The following SLC30A9 variants were observed in gnomAD, a reference collection of about 807,000 sequenced individuals.
SLC30A9 encodes proton-coupled zinc antiporter SLC30A9, mitochondrial.
A neutral mutation model predicts 87.5 loss-of-function variants in SLC30A9; 58 were observed. That is an observed-to-expected ratio of 0.66 (90% confidence interval 0.54 to 0.82). The LOEUF is 0.82. SLC30A9 is among the 40% of genes least tolerant of loss of function. The pLI, the probability that SLC30A9 is intolerant of heterozygous loss-of-function variation, is 0.00. For missense variants in SLC30A9, 557 were observed against 679.1 expected, an observed-to-expected ratio of 0.82 and a Z score of 2.00; for synonymous variants, 234 against 233.0, an observed-to-expected ratio of 1.00 and a Z score of -0.04.
chr4:42,081,198 C>T (rs376420362), intron 17 of SLC30A9, among the ~76,000 whole-genome samples: 6 of 152,170 alleles, frequency 3.9e-5, no homozygotes, highest in East Asian at 3.8e-4. Context: ...AGTACTTTTA[C>T]GTACTTTCCA....
At chr4:42,045,584 TAAAA>T (rs34964085) in intron 8 of SLC30A9, among the ~76,000 whole-genome samples, 20 of 134,766 alleles carry the variant, frequency 1.5e-4, no homozygotes, top group Admixed American at 2.1e-4. Context: ...GCCTATCAAC[TAAAA>T]AAAAAAAAAA....
chr4:42,080,824 T>C (rs571546540), intron 17 of SLC30A9, among the ~76,000 whole-genome samples: 1 of 152,372 alleles, frequency 6.6e-6, no homozygotes, highest in South Asian at 2.1e-4. Context: ...TCTATTTTTA[T>C]ACTCTGAATG....
At chr4:42,014,109 C>CA (rs1161014944) in intron 2 of SLC30A9, among the ~76,000 whole-genome samples, 2 of 151,498 alleles carry the variant, frequency 1.3e-5, no homozygotes, top group Admixed American at 6.6e-5. Flanking sequence ...ATGCAAGTGG[C>CA]AAAAAAAGGT....
chr4:42,064,893 G>A (rs1385079236), intron 11 of SLC30A9, among the ~76,000 whole-genome samples: 1 of 151,928 alleles, frequency 6.6e-6, no homozygotes, highest in African/African-American at 2.4e-5. Context: ...TGTGTTGCTA[G>A]GTTAACTTTT....
rs912108653 is a variant in SLC30A9, at chr4:42,066,489, C to T, written c.1073-61C>T. The T allele has an allele frequency of 2.9e-6, 3 of 1,026,554 alleles. No individual in the cohort carries two copies. In the African/African-American group the frequency reaches 4.8e-5, roughly 16 times the overall value. The allele number at this position is 1,026,554 out of a possible 1,614,324, so 63.6% of individuals were successfully genotyped here. On this transcript the variant is annotated intron_variant, in intron 12 of 17. Transcript: ENST00000264451. ...CTTATTTGTTTATCTTTTGAGATGC[C>T]ATCTTTAAAGTTTGGAGGCATGAAG...
intron 10 of SLC30A9, among the ~76,000 whole-genome samples, chr4:42,061,532 C>G (rs1317110380): frequency 6.6e-6 from 1 of 152,174 alleles, no homozygotes; most frequent in Non-Finnish European, 1.5e-5. Flanking sequence ...ATTGTCACAT[C>G]TATAAACTGG....
At chr4:42,019,773 A>C (rs566207513) in intron 3 of SLC30A9, among the ~76,000 whole-genome samples, 6 of 151,878 alleles carry the variant, frequency 4.0e-5, no homozygotes, top group African/African-American at 1.4e-4. Context: ...GCACTCAACT[A>C]CTCTGTTATT....
In SLC30A9 at chr4:42,065,356, A is replaced by G; in HGVS notation, c.1072+7A>G. On this transcript the variant is annotated splice_region_variant and intron_variant, in intron 12 of 17. Coordinates refer to ENST00000264451, the MANE Select transcript of SLC30A9 (RefSeq NM_006345.4). ...TCATTAGTATCTGAAGGAGGTATGT[A>G]CTGTCACAAAGTATGTCTCTATTCT... The G allele has an allele frequency of 7.6e-7, 1 of 1,310,518 alleles. No individual in the cohort carries two copies. Among genetic ancestry groups the G allele is most frequent in the South Asian group, 1.2e-5 (1 of 84,786 alleles). The allele number at this position is 1,310,518 out of a possible 1,614,324, so 81.2% of individuals were successfully genotyped here. A position where few individuals can be genotyped will look rare whatever the true frequency, so the allele number is the denominator to read the frequency against.
intron 9 of SLC30A9, among the ~76,000 whole-genome samples, chr4:42,053,976 G>A (rs1438343843): frequency 6.6e-6 from 1 of 152,142 alleles, no homozygotes; most frequent in Admixed American, 6.5e-5. Flanking sequence ...AGAGGCACAG[G>A]GAGCTTTTTG....
chr4:42,013,500 A>G (rs1577684356), intron 2 of SLC30A9, among the ~76,000 whole-genome samples: 1 of 152,194 alleles, frequency 6.6e-6, no homozygotes, highest in Non-Finnish European at 1.5e-5. Context: ...GGTTTAGGTT[A>G]CTAAACCTAA....
At chr4:42,082,036 C>T (rs1408391922) in intron 17 of SLC30A9, among the ~76,000 whole-genome samples, 7 of 151,718 alleles carry the variant, frequency 4.6e-5, no homozygotes, top group Admixed American at 6.6e-5. Flanking sequence ...GCTAAAATGA[C>T]GAAACCCCGT....
chr4:42,084,635 C>A (rs1163530099), intron 17 of SLC30A9, among the ~76,000 whole-genome samples: 4 of 152,118 alleles, frequency 2.6e-5, no homozygotes. Flanking sequence ...CTATGCCCAG[C>A]TAATTTTTGT....
At chr4:42,079,296 CT>C (rs869238777) in intron 17 of SLC30A9, among the ~76,000 whole-genome samples, 611 of 142,028 alleles carry the variant, frequency 4.3e-3, no homozygotes, top group Middle Eastern at 7.3e-3. Flanking sequence ...ATATAAATAA[CT>C]TTTTTTTTTT....
intron 2 of SLC30A9, among the ~76,000 whole-genome samples, chr4:42,002,817 G>C (rs1025609318): frequency 3.3e-5 from 5 of 152,040 alleles, no homozygotes; most frequent in Non-Finnish European, 7.4e-5. Context: ...GGAGTTCTTT[G>C]AGAAATCTCC....
intron 17 of SLC30A9, among the ~76,000 whole-genome samples, chr4:42,085,358 A>G (rs1376558606): frequency 2.0e-5 from 3 of 152,204 alleles, no homozygotes; most frequent in Admixed American, 6.5e-5. Context: ...CCTGGAATCA[A>G]TCCTGGCTCC....
At position 42,020,405 on chromosome 4, in the gene SLC30A9, T is replaced by G. The variant is rs767116345; in HGVS notation, c.335-11T>G. On this transcript the variant is annotated splice_polypyrimidine_tract_variant and intron_variant, in intron 3 of 17. Transcript: ENST00000264451. ...GTGCATATTTATTATGTTTTCCTGTTTTTTGTTTAGTTAAAGCAGTCCTTA... is the reference window on the plus strand; with the variant it reads ...GTGCATATTTATTATGTTTTCCTGTGTTTTGTTTAGTTAAAGCAGTCCTTA... 3.1e-6 allele frequency: 4 copies of G among 1,308,002 alleles called. No homozygotes were observed. The highest frequency in any genetic ancestry group is 4.4e-6 in the Non-Finnish European group (4 of 915,442). 81.0% of individuals were successfully genotyped at this position (1,308,002 alleles called of 1,614,324 possible). A position where few individuals can be genotyped will look rare whatever the true frequency, so the allele number is the denominator to read the frequency against.
In SLC30A9 at chr4:42,035,320, T is replaced by C; in HGVS notation, c.656T>C (p.Leu219Ser). The C allele has an allele frequency of 6.2e-7, 1 of 1,602,666 alleles. No homozygotes were observed. Among genetic ancestry groups the C allele is most frequent in the Non-Finnish European group, 8.5e-7 (1 of 1,172,148 alleles). The change falls in exon 7 of 18, where the codon TTG becomes TCG. Residue 219 changes from leucine to serine, a missense_variant. Physicochemically the swap from Leu to Ser is moderately radical, Grantham distance 145. This residue lies in a region of SLC30A9 where 467 missense variants were observed against 529.8 expected (regional missense o/e 0.88). Coordinates refer to ENST00000264451, the MANE Select transcript of SLC30A9 (RefSeq NM_006345.4). The part of the protein sequence containing the change: ...QKILREYRDF[L>S]GNTKPRSRTA... ...ATATTAAGAGAATACAGAGATTTCT[T>C]GGGAAATACCAAGGTATGGATATCT...
intron 8 of SLC30A9, among the ~76,000 whole-genome samples, chr4:42,042,382 GT>G (rs2153137744): frequency 6.6e-6 from 1 of 152,252 alleles, no homozygotes; most frequent in South Asian, 2.1e-4. Flanking sequence ...GTGTTGGGGA[GT>G]TGGGGGTTGG....
At chr4:42,049,531 C>A in intron 9 of SLC30A9, 52 bp downstream of exon 9, 1 of 949,642 alleles carries the variant, frequency 1.1e-6, no homozygotes, top group Non-Finnish European at 1.6e-6. Flanking sequence ...TAGTTGTAGG[C>A]TTTAATCTAA....
Sources: allele counts gnomAD v4.1 joint callset (sites outside exome capture counted in the v4.1 genomes callset), GRCh38; gene constraint gnomAD v4.1.1; regional missense constraint gnomAD v4.1.1; transcripts MANE v1.5; gene names NCBI Gene and HGNC (gene_info 2026-07-23, HGNC 2026-07-21).